Variants in AKAP13 observed in about 807,000 individuals in gnomAD.
AKAP13 encodes the protein A-kinase anchor protein 13.
AKAP13 carries 80 observed loss-of-function variants against 264.5 expected under a neutral mutation model. The observed-to-expected ratio is 0.30, with a 90% CI of 0.25 to 0.36. AKAP13 has a LOEUF of 0.36. Among genes scored for constraint, AKAP13 ranks in the 10% least tolerant of loss-of-function variants. AKAP13 has a pLI of 1.00. For missense variants in AKAP13, 3,712 were observed against 3,435.2 expected (o/e 1.08, Z -2.01); for synonymous variants, 1,380 against 1,250.2 (o/e 1.10, Z -2.19).
intron 8 of AKAP13, among the ~76,000 whole-genome samples, chr15:85,600,819 C>T (rs1289917345): frequency 1.3e-5 from 2 of 152,190 alleles, no homozygotes; most frequent in East Asian, 3.8e-4. Flanking sequence ...CACGTTTTTA[C>T]CTTCCATTCC....
chr15:85,567,658 A>C (rs1360812425), intron 5 of AKAP13, among the ~76,000 whole-genome samples: 1 of 152,054 alleles, frequency 6.6e-6, no homozygotes, highest in South Asian at 2.1e-4. Context: ...TTCTGTGTGC[A>C]TGTCCGGTTC....
At position 85,533,681 on chromosome 15, in the gene AKAP13, G is replaced by T; in HGVS notation, c.279G>T (p.Gln93His). The T allele has an allele frequency of 6.2e-7, 1 of 1,614,174 alleles. No individual in the cohort carries two copies. The highest frequency in any genetic ancestry group is 1.1e-5 in the South Asian group (1 of 91,088). ...VVAEEDFHFV[Q>H]DEAYDAAQFL... Reference sequence around the variant, plus strand: ...CTGAAGAAGACTTTCATTTCGTCCAGGATGAAGCGTATGATGCAGCTCAAT... The same window carrying T: ...CTGAAGAAGACTTTCATTTCGTCCATGATGAAGCGTATGATGCAGCTCAAT... The change falls in exon 4 of 37, where the codon CAG becomes CAT. Residue 93 changes from glutamine to histidine, a missense_variant. Coordinates refer to ENST00000394518, the MANE Select transcript of AKAP13 (RefSeq NM_007200.5).
rs1278266870 is a variant in AKAP13 at position 85,748,852 on chromosome 15, G to A, written c.*4175G>A. On this transcript the variant is annotated 3_prime_UTR_variant, in exon 37 of 37. Transcript: ENST00000394518. ...GACCACCTGTGCTGCAGTCCGGAGG[G>A]GCTTCTGCAGGAAGCACTCACCCCC... 2 of 152,284 alleles carry A rather than the reference G, an allele frequency of 1.3e-5. No homozygotes were observed. Among genetic ancestry groups the A allele is most frequent in the East Asian group, 3.9e-4 (2 of 5,186 alleles). The allele number at this position is 152,284 out of a possible 1,614,324, so 9.4% of individuals were successfully genotyped here.
At chr15:85,505,118 T>C (rs1336041835) in intron 2 of AKAP13, among the ~76,000 whole-genome samples, 1 of 152,256 alleles carries the variant, frequency 6.6e-6, no homozygotes, top group Non-Finnish European at 1.5e-5. Flanking sequence ...TCTCTTCCTT[T>C]TAAGGAATAC....
At chr15:85,593,400 AT>A (rs199983201) in intron 8 of AKAP13, among the ~76,000 whole-genome samples, 8 of 150,194 alleles carry the variant, frequency 5.3e-5, no homozygotes, top group South Asian at 2.1e-4. Context: ...ATCATGAGGG[AT>A]TTTTTTTTTC....
intron 1 of AKAP13, among the ~76,000 whole-genome samples, chr15:85,420,176 C>T (rs1170575264): frequency 6.6e-6 from 1 of 151,650 alleles, no homozygotes; most frequent in African/African-American, 2.4e-5. Context: ...CTCCTGACCT[C>T]GTGATCCGCC....
intron 8 of AKAP13, chr15:85,619,482 CTTTACT>C (rs962332819): frequency 1.4e-5 from 14 of 985,194 alleles, no homozygotes; most frequent in Middle Eastern, 5.2e-4. Flanking sequence ...ATTCCAAAGA[CTTTACT>C]TTGAAAAGCA....
At chr15:85,710,373 C>T (rs188603937) in intron 18 of AKAP13, 52 of 457,182 alleles carry the variant, frequency 1.1e-4, no homozygotes, top group African/African-American at 9.5e-4. Flanking sequence ...GCATTCCAGG[C>T]AGGATAGACA....
In AKAP13 at chr15:85,427,832, T is replaced by C. The variant is rs1040397307; in HGVS notation, c.-12+47034T>C. 2.6e-5 allele frequency among the ~76,000 whole-genome samples: 4 copies of C among 152,206 alleles called. No individual in the cohort carries two copies. The East Asian group carries it at 7.7e-4, about 29-fold the overall frequency. On this transcript the variant is annotated intron_variant, in intron 1 of 36. Coordinates refer to ENST00000394518, the MANE Select transcript of AKAP13 (RefSeq NM_007200.5). ...TGACATGGCTGTCAGAGTTGCTAAG[T>C]TGATCTTGAATTACAATAATAAAAG...
intron 5 of AKAP13, among the ~76,000 whole-genome samples, chr15:85,556,803 T>G (rs1403006377): frequency 6.6e-6 from 1 of 152,220 alleles, no homozygotes; most frequent in African/African-American, 2.4e-5. Context: ...ACCACTCAGG[T>G]CAGTTGTTAG....
intron 8 of AKAP13, among the ~76,000 whole-genome samples, chr15:85,587,642 A>G (rs1438240440): frequency 1.3e-5 from 2 of 151,892 alleles, no homozygotes; most frequent in African/African-American, 4.8e-5. Flanking sequence ...ATTAACTTTT[A>G]TTTTATTTTA....
Position 85,749,303 on chromosome 15 carries a change from C to G in AKAP13, c.*4626C>G, listed in dbSNP as rs920169121. The G allele has an allele frequency of 2.0e-5, 3 of 152,168 alleles. No homozygotes were observed. The highest frequency in any genetic ancestry group is 4.4e-5 in the Non-Finnish European group (3 of 68,046). The allele number at this position is 152,168 out of a possible 1,614,324, so 9.4% of individuals were successfully genotyped here. ...TCTTTCTAGTTACCAGCTTCAGACCCTTGTAAAGTCTCCCTCAGCCCTTTC... is the reference window on the plus strand; with the variant it reads ...TCTTTCTAGTTACCAGCTTCAGACCGTTGTAAAGTCTCCCTCAGCCCTTTC... On this transcript the variant is annotated 3_prime_UTR_variant, in exon 37 of 37. Transcript: ENST00000394518.
chr15:85,644,155 T>C (rs2151485227), intron 9 of AKAP13, among the ~76,000 whole-genome samples: 1 of 152,274 alleles, frequency 6.6e-6, no homozygotes, highest in South Asian at 2.1e-4. Flanking sequence ...CCTACAAATT[T>C]GATAAAGCAT....
intron 5 of AKAP13, among the ~76,000 whole-genome samples, chr15:85,549,488 C>G (rs1022815112): frequency 3.3e-5 from 5 of 152,194 alleles, no homozygotes; most frequent in Non-Finnish European, 7.3e-5. Flanking sequence ...CTATACTGCA[C>G]TAGAAACCAT....
intron 8 of AKAP13, among the ~76,000 whole-genome samples, chr15:85,616,203 G>A (rs1596731939): frequency 6.6e-6 from 1 of 152,156 alleles, no homozygotes; most frequent in Non-Finnish European, 1.5e-5. Flanking sequence ...CCCACTAGGT[G>A]GTGTCCTAAT....
intron 5 of AKAP13, among the ~76,000 whole-genome samples, chr15:85,574,223 T>C (rs569685733): frequency 1.3e-5 from 2 of 152,332 alleles, no homozygotes; most frequent in Non-Finnish European, 2.9e-5. Flanking sequence ...TAGTTAATAA[T>C]ATGAGATTGT....
At chr15:85,524,895 G>GTGTGTGTGTGTGTGTGTGTGTC (rs1253728213) in intron 3 of AKAP13, among the ~76,000 whole-genome samples, 26 of 151,478 alleles carry the variant, frequency 1.7e-4, no homozygotes, top group African/African-American at 6.3e-4. Flanking sequence ...GTGTGTGTGT[G>GTGTGTGTGTGTGTGTGTGTGTC]TGTGTGTCTG....
chr15:85,465,097 C>A (rs984028013), intron 1 of AKAP13, among the ~76,000 whole-genome samples: 1 of 148,140 alleles, frequency 6.8e-6, no homozygotes, highest in Non-Finnish European at 1.5e-5. Flanking sequence ...CCCACCACCA[C>A]GCCTGGCTAA....
chr15:85,567,198 C>T (rs2078636198), intron 5 of AKAP13, among the ~76,000 whole-genome samples: 1 of 150,516 alleles, frequency 6.6e-6, no homozygotes, highest in Non-Finnish European at 1.5e-5. Flanking sequence ...ACCTCCACCT[C>T]CCGGGTTCAA....
Sources: allele counts gnomAD v4.1 joint callset (sites outside exome capture counted in the v4.1 genomes callset), GRCh38; gene constraint gnomAD v4.1.1; transcripts MANE v1.5; gene names NCBI Gene and HGNC (gene_info 2026-07-23, HGNC 2026-07-21).